The following MAST2 variants were observed in gnomAD, a reference collection of about 807,000 sequenced individuals.
MAST2 encodes the protein microtubule-associated serine/threonine-protein kinase 2.
In MAST2, 70 loss-of-function variants were observed where a neutral mutation model predicts 147.4. The ratio of observed to expected loss-of-function variants is 0.47; its 90% confidence interval spans 0.39 to 0.58. The LOEUF is 0.58. MAST2 is among the 20% of genes least tolerant of loss of function. MAST2 has a pLI of 0.00. For synonymous variants in MAST2, 869 were observed against 896.8 expected (o/e 0.97, Z 0.55); for missense variants, 2,080 against 2,302.3 (o/e 0.90, Z 1.98).
rs758762315 is a variant in MAST2, at chr1:46,035,902, C to G, written c.5233C>G (p.Gln1745Glu). ...VKEDPALSIT[Q>E]VPDASGDRRQ... is the part of the protein sequence containing the mutation. ...AGAGGATCCAGCCCTGAGCATCACCCAAGTGCCTGATGCCTCAGGTGACAG... is the reference window on the plus strand; with the variant it reads ...AGAGGATCCAGCCCTGAGCATCACCGAAGTGCCTGATGCCTCAGGTGACAG... The change falls in exon 29 of 29, where the codon CAA (glutamine) becomes GAA (glutamate). Residue 1745 changes from glutamine to glutamate, a missense_variant. By Grantham distance (29) the Gln-to-Glu change is conservative (BLOSUM62 2). Transcript: ENST00000361297. This position sits in a 1 kb window ranked among gnomAD's most constrained non-coding sequence, Gnocchi z 5.5. 3 of 1,613,954 alleles carry G rather than the reference C, an allele frequency of 1.9e-6. No homozygotes were observed. The Admixed American group carries it at 5.0e-5, about 27-fold the overall frequency.
intron 2 of MAST2, among the ~76,000 whole-genome samples, chr1:45,828,321 A>G (rs1021084502): frequency 6.6e-6 from 1 of 152,250 alleles, no homozygotes; most frequent in African/African-American, 2.4e-5. Context: ...AGGCACAGAA[A>G]GGATTTTCAA....
At chr1:45,989,551 A>G (rs1644779306) in intron 5 of MAST2, among the ~76,000 whole-genome samples, 1 of 151,986 alleles carries the variant, frequency 6.6e-6, no homozygotes, top group African/African-American at 2.4e-5. Flanking sequence ...TGATCTCATA[A>G]GTTATTTTTT....
At chr1:45,918,809 C>T (rs987707186) in intron 4 of MAST2, among the ~76,000 whole-genome samples, 5 of 152,016 alleles carry the variant, frequency 3.3e-5, no homozygotes, top group Non-Finnish European at 7.4e-5. Context: ...CATGATCTGA[C>T]GTAGATCAAA....
chr1:45,805,643 G>T (rs1051878721), intron 1 of MAST2, among the ~76,000 whole-genome samples: 7 of 152,140 alleles, frequency 4.6e-5, no homozygotes, highest in African/African-American at 1.7e-4. Context: ...AAGATTACTT[G>T]ATTTTTCCCT....
intron 9 of MAST2, among the ~76,000 whole-genome samples, chr1:46,009,513 G>A (rs1053115088): frequency 6.6e-6 from 1 of 152,236 alleles, no homozygotes; most frequent in Non-Finnish European, 1.5e-5. Flanking sequence ...TAGACAATAA[G>A]CATGAAGAAG....
chr1:45,991,464 C>A (rs778277439), intron 5 of MAST2, among the ~76,000 whole-genome samples: 1 of 152,160 alleles, frequency 6.6e-6, no homozygotes, highest in Non-Finnish European at 1.5e-5. Flanking sequence ...ATCCGTAGAT[C>A]AAATTGCTTA....
At chr1:46,032,077 A>T in intron 24 of MAST2, 101 bp from the exon 25 acceptor site, 1 of 903,334 alleles carries the variant, frequency 1.1e-6, no homozygotes, top group Non-Finnish European at 1.8e-6. Flanking sequence ...ACCTAGGCTC[A>T]GGCTCTGTCT....
chr1:45,866,818 T>C (rs189938883), intron 3 of MAST2, among the ~76,000 whole-genome samples: 26 of 152,140 alleles, frequency 1.7e-4, no homozygotes, highest in African/African-American at 6.0e-4. Context: ...TCTTGGCTCA[T>C]TGCAACCTCT....
intron 3 of MAST2, among the ~76,000 whole-genome samples, chr1:45,848,390 G>A (rs565030281): frequency 6.6e-6 from 1 of 152,220 alleles, no homozygotes; most frequent in African/African-American, 2.4e-5. Flanking sequence ...TGAAATTTTG[G>A]TATGTAGTAG....
At chr1:45,877,781 G>A (rs916558667) in intron 3 of MAST2, among the ~76,000 whole-genome samples, 7 of 151,996 alleles carry the variant, frequency 4.6e-5, no homozygotes, top group Non-Finnish European at 8.8e-5. Flanking sequence ...TTAGGAGACC[G>A]GCATAATTGT....
intron 1 of MAST2, among the ~76,000 whole-genome samples, chr1:45,814,075 G>C (rs1644380823): frequency 6.6e-6 from 1 of 152,204 alleles, no homozygotes; most frequent in Admixed American, 6.5e-5. Context: ...CTGCACTGCT[G>C]TGGTATAAAG....
In MAST2 at chr1:46,030,760, A is replaced by T. The variant is rs754061846; in HGVS notation, c.2707A>T (p.Ile903Leu). 3 of 1,575,810 alleles carry T rather than the reference A, an allele frequency of 1.9e-6. No individual in the cohort carries two copies. Among genetic ancestry groups the T allele is most frequent in the Admixed American group, 4.1e-5 (2 of 48,946 alleles). The change falls in exon 22 of 29, where the codon ATA becomes TTA. Residue 903 changes from isoleucine to leucine, a missense_variant and splice_region_variant. Physicochemically the swap from Ile to Leu is conservative, Grantham distance 5. Transcript: ENST00000361297. The stretch of plus-strand genomic sequence containing the variant: ...GAGCTGGGTGATTGGCTCCCCTGAG[A>T]TGTGAGCACCCAGAGTTCACCCAGG... The part of the protein sequence containing the change: ...DRSWVIGSPE[I>L]LRKRLSVSES...
chr1:45,902,892 C>G (rs1482255118), intron 4 of MAST2, among the ~76,000 whole-genome samples: 1 of 151,988 alleles, frequency 6.6e-6, no homozygotes, highest in African/African-American at 2.4e-5. Context: ...ATCTACCTAG[C>G]AGTTTAACAG....
intron 3 of MAST2, among the ~76,000 whole-genome samples, chr1:45,860,962 T>C (rs2148066714): frequency 6.6e-6 from 1 of 152,338 alleles, no homozygotes; most frequent in South Asian, 2.1e-4. Flanking sequence ...TCTAGTCCAC[T>C]TAGCTCTCTG....
Position 45,881,919 on chromosome 1 carries a change from G to A in MAST2, c.469-445G>A, listed in dbSNP as rs1240082742. ...AGGCTGGGCATGGTGGCTCACACCT[G>A]TAATCCCAGTACTTTGGGAGGCCGA... On this transcript the variant is annotated intron_variant, in intron 3 of 28. Transcript: ENST00000361297. Among the ~76,000 whole-genome samples, 5 of 143,618 alleles carry A rather than the reference G, an allele frequency of 3.5e-5. No individual in the cohort carries two copies. The South Asian group carries it at 1.1e-3, about 32-fold the overall frequency. 94.2% of individuals were successfully genotyped at this position (143,618 alleles called of 152,430 possible). A position where few individuals can be genotyped will look rare whatever the true frequency, so the allele number is the denominator to read the frequency against.
At chr1:45,954,542 A>G (rs1365730183) in intron 4 of MAST2, among the ~76,000 whole-genome samples, 1 of 152,152 alleles carries the variant, frequency 6.6e-6, no homozygotes, top group African/African-American at 2.4e-5. Flanking sequence ...CTTCCAGGCT[A>G]CCACCCGTCC....
chr1:46,008,761 T>C (rs1416009565), intron 9 of MAST2, among the ~76,000 whole-genome samples: 1 of 152,230 alleles, frequency 6.6e-6, no homozygotes, highest in African/African-American at 2.4e-5. Context: ...ATTTGCCCTC[T>C]GGTGGCATAT....
intron 3 of MAST2, among the ~76,000 whole-genome samples, chr1:45,829,892 A>G (rs967243338): frequency 3.7e-5 from 5 of 136,674 alleles, no homozygotes; most frequent in African/African-American, 1.1e-4. Context: ...TTTGAGTTGG[A>G]TTTTTGCTCT....
chr1:46,001,817 T>G (rs1028390329), intron 6 of MAST2, among the ~76,000 whole-genome samples: 4 of 152,216 alleles, frequency 2.6e-5, no homozygotes, highest in Admixed American at 1.3e-4. Context: ...GCCATAACCA[T>G]GAAGCCTTGA....
Sources: allele counts gnomAD v4.1 joint callset (sites outside exome capture counted in the v4.1 genomes callset), GRCh38; gene constraint gnomAD v4.1.1; non-coding constraint Gnocchi (gnomAD v3.1); transcripts MANE v1.5; gene names NCBI Gene and HGNC (gene_info 2026-07-23, HGNC 2026-07-21).